Variants in FANCI observed in about 807,000 individuals in gnomAD.
The protein encoded by FANCI is Fanconi anemia group I protein.
A neutral mutation model predicts 176.1 loss-of-function variants in FANCI; 156 were observed. The observed-to-expected ratio is 0.89, with a 90% CI of 0.78 to 1.01. The LOEUF (loss-of-function observed/expected upper bound fraction) is 1.01, where lower values mean the gene tolerates loss of function less well. Ranked by LOEUF, FANCI falls within the 50% of genes least tolerant of loss-of-function variation. The pLI, the probability that FANCI is intolerant of heterozygous loss-of-function variation, is 0.00. For missense variants in FANCI, 1,678 were observed against 1,534.1 expected (o/e 1.09, Z -1.57); for synonymous variants, 613 against 541.7 (o/e 1.13, Z -1.83).
intron 35 of FANCI, among the ~76,000 whole-genome samples, chr15:89,313,218 T>G (rs2055039361): frequency 2.0e-5 from 3 of 151,956 alleles, no homozygotes; most frequent in African/African-American, 7.3e-5. Flanking sequence ...TGAAAATGTT[T>G]TAGAATTGAC....
At chr15:89,299,757 G>T in intron 24 of FANCI, 43 bp from the exon 25 acceptor site, 3 of 1,598,114 alleles carry the variant, frequency 1.9e-6, no homozygotes, top group East Asian at 4.5e-5. Flanking sequence ...TTTTATCTCG[G>T]TGAACCTGTC....
intron 35 of FANCI, 35 bp from the exon 36 acceptor site, chr15:89,314,577 A>C: frequency 6.6e-7 from 1 of 1,511,552 alleles, no homozygotes. Context: ...AAACCATTGA[A>C]CCTGAAATTT....
intron 18 of FANCI, among the ~76,000 whole-genome samples, chr15:89,286,977 C>CTTTTTTTTTTTTTTGTTTTTTTT (rs2053839858): frequency 1.2e-5 from 1 of 86,054 alleles, no homozygotes; most frequent in African/African-American, 4.7e-5. Context: ...TCACCTTGCA[C>CTTTTTTTTTTTTTTGTTTTTTTT]TTTTTTTTTT....
intron 1 of FANCI, among the ~76,000 whole-genome samples, chr15:89,246,963 G>C (rs62020317): frequency 5.4e-4 from 82 of 151,228 alleles, no homozygotes; most frequent in South Asian, 1.9e-3. Context: ...AGAGACGGGG[G>C]TTTCACCGTG....
chr15:89,251,776 A>G (rs753354014), intron 2 of FANCI, among the ~76,000 whole-genome samples: 1 of 152,136 alleles, frequency 6.6e-6, no homozygotes, highest in Non-Finnish European at 1.5e-5. Context: ...AAAATTCAAC[A>G]CTCATTCCTA....
chr15:89,265,168 G>T (rs1432412693), intron 9 of FANCI, among the ~76,000 whole-genome samples: 7 of 152,130 alleles, frequency 4.6e-5, no homozygotes, highest in African/African-American at 1.7e-4. Context: ...GAAGAACAGT[G>T]TGACATGTCT....
chr15:89,311,747 GCTCCAGTTGCAGAGC>G (rs1169037229), intron 34 of FANCI, among the ~76,000 whole-genome samples: 1 of 152,116 alleles, frequency 6.6e-6, no homozygotes, highest in Non-Finnish European at 1.5e-5. Context: ...TTCTCTCATG[GCTCCAGTTGCAGAGC>G]CTCTCTGTAT....
chr15:89,281,643 A>G, intron 15 of FANCI, 122 bp from the exon 16 acceptor site: 1 of 941,694 alleles, frequency 1.1e-6, no homozygotes, highest in African/African-American at 1.6e-5. Flanking sequence ...AATAAACATT[A>G]AAACGTATAT....
chr15:89,254,695 G>C (rs540404541), intron 2 of FANCI, among the ~76,000 whole-genome samples: 16 of 152,116 alleles, frequency 1.1e-4, no homozygotes, highest in Non-Finnish European at 1.9e-4. Flanking sequence ...TGTATTCCTA[G>C]CTAACTGGAG....
chr15:89,310,839 C>G (rs959917644), intron 34 of FANCI, among the ~76,000 whole-genome samples: 7 of 152,198 alleles, frequency 4.6e-5, no homozygotes, highest in African/African-American at 1.7e-4. Context: ...AGATGCTTCT[C>G]AAGGGTCGGA....
rs755380402 is a variant in FANCI, at chr15:89,290,185, C to T, written c.1822-28C>T. 6 of 1,571,264 alleles carry T rather than the reference C, an allele frequency of 3.8e-6. No individual in the cohort carries two copies. In the African/African-American group the frequency reaches 8.1e-5, roughly 21 times the overall value. ...GATCACTAGTATCTCTGTTAAAGTGCTTATTTCTTCTCTTTGATTCCTCTT... is the reference window on the plus strand; with the variant it reads ...GATCACTAGTATCTCTGTTAAAGTGTTTATTTCTTCTCTTTGATTCCTCTT... On this transcript the variant is annotated intron_variant, in intron 18 of 37. Transcript: ENST00000310775.
At chr15:89,261,542 T>C (rs1454990247) in intron 4 of FANCI, 43 bp from the exon 5 acceptor site, 1 of 1,609,992 alleles carries the variant, frequency 6.2e-7, no homozygotes, top group Non-Finnish European at 8.5e-7. Context: ...TTATCAAACA[T>C]TGGATTTCTG....
chr15:89,263,184 TAG>T (rs1360794332), intron 6 of FANCI, among the ~76,000 whole-genome samples: 1 of 152,254 alleles, frequency 6.6e-6, no homozygotes, highest in Non-Finnish European at 1.5e-5. Flanking sequence ...GGTATGTGAA[TAG>T]AGTTTGTTTT....
At chr15:89,264,636 C>A in intron 9 of FANCI, 29 bp downstream of exon 9, 1 of 1,566,666 alleles carries the variant, frequency 6.4e-7, no homozygotes, top group South Asian at 1.1e-5. Flanking sequence ...AAATAAAGAT[C>A]ATTTTTACAA....
At chr15:89,245,784 C>T (rs2051940273) in intron 1 of FANCI, 1 of 152,108 alleles carries the variant, frequency 6.6e-6, no homozygotes, top group African/African-American at 2.4e-5. Flanking sequence ...CAATGGAAGC[C>T]ACTGAAGAGC....
intron 10 of FANCI, among the ~76,000 whole-genome samples, chr15:89,268,838 A>G (rs1289237016): frequency 6.6e-6 from 1 of 152,132 alleles, no homozygotes; most frequent in African/African-American, 2.4e-5. Flanking sequence ...AGGAAACTCA[A>G]AATCTAATTC....
chr15:89,313,893 T>G (rs1317536713), intron 35 of FANCI, among the ~76,000 whole-genome samples: 1 of 129,176 alleles, frequency 7.7e-6, no homozygotes, highest in Non-Finnish European at 1.6e-5. Context: ...TCCTCATGGG[T>G]TAAAAATACA....
intron 22 of FANCI, 58 bp from the exon 23 acceptor site, chr15:89,293,775 A>C (rs2054154127): frequency 1.3e-6 from 2 of 1,526,490 alleles, no homozygotes; most frequent in South Asian, 1.1e-5. Flanking sequence ...TCATATGTAA[A>C]AGTAAACCAC....
rs2054201315 is a variant in FANCI, at chr15:89,295,046, A to G, written c.2588A>G (p.Asp863Gly). ...LKETGHVSGP[D>G]GQNPEKIFQN... ...GAAACAGGGCATGTGAGTGGCCCTGATGGCCAAAACCCAGAAAAGATCTTT... is the reference window on the plus strand; with the variant it reads ...GAAACAGGGCATGTGAGTGGCCCTGGTGGCCAAAACCCAGAAAAGATCTTT... The change falls in exon 24 of 38, where the codon GAT becomes GGT. Residue 863 changes from aspartate to glycine, a missense_variant. By Grantham distance (94) the Asp-to-Gly change is moderately conservative (BLOSUM62 -1). This residue lies in a region of FANCI where 1,204 missense variants were observed against 1,077.4 expected (regional missense o/e 1.12). Coordinates refer to ENST00000310775, the MANE Select transcript of FANCI (RefSeq NM_001113378.2). 6.4e-7 allele frequency: 1 copy of G among 1,552,122 alleles called. No homozygotes were observed. Among genetic ancestry groups the G allele is most frequent in the Non-Finnish European group, 8.7e-7 (1 of 1,147,102 alleles).
Sources: gnomAD v4.1 joint callset for allele counts (sites outside exome capture counted in the v4.1 genomes callset) on GRCh38, gnomAD v4.1.1 for gene constraint, gnomAD v4.1.1 regional missense constraint, MANE v1.5 for transcripts, NCBI Gene and HGNC (gene_info 2026-07-23, HGNC 2026-07-21) for gene names.